The following DNAJC5B variants were observed in gnomAD, a reference collection of about 807,000 sequenced individuals.
DNAJC5B encodes DnaJ heat shock protein family (Hsp40) member C5 beta.
In DNAJC5B, 23 loss-of-function variants were observed where a neutral mutation model predicts 24.7. The ratio of observed to expected loss-of-function variants is 0.93; its 90% confidence interval spans 0.67 to 1.32. The LOEUF (loss-of-function observed/expected upper bound fraction) is 1.32. DNAJC5B is among the 40% of genes most tolerant of loss of function. The pLI, the probability that DNAJC5B is intolerant of heterozygous loss-of-function variation, is 0.00. For synonymous variants in DNAJC5B, 101 were observed against 90.1 expected, an observed-to-expected ratio of 1.12 and a Z score of -0.68; for missense variants, 238 against 240.8, an observed-to-expected ratio of 0.99 and a Z score of 0.08.
chr8:66,040,229 A>G (rs1273925345), intron 1 of DNAJC5B, among the ~76,000 whole-genome samples: 1 of 150,940 alleles, frequency 6.6e-6, no homozygotes, highest in East Asian at 1.9e-4. Flanking sequence ...GTCTCTATTA[A>G]AATACAAAAA....
intron 3 of DNAJC5B, chr8:66,057,220 T>A (rs1359419073): frequency 2.0e-5 from 3 of 151,224 alleles, no homozygotes; most frequent in African/African-American, 7.3e-5. Flanking sequence ...TAAAAAAAAA[T>A]GGAAATTCTC....
At chr8:66,017,930 A>G (rs1321891462), upstream of DNAJC5B, among the ~76,000 whole-genome samples, 2 of 152,244 alleles carry the variant, frequency 1.3e-5, no homozygotes, top group Non-Finnish European at 2.9e-5. Context: ...GCAAAATAAG[A>G]ACAAAATTCC....
chr8:66,056,692 A>G (rs1806969694), intron 3 of DNAJC5B: 1 of 152,204 alleles, frequency 6.6e-6, no homozygotes, highest in Non-Finnish European at 1.5e-5. Context: ...AGAACCCATT[A>G]TCTCCCAACA....
chr8:66,065,943 T>C (rs1807183246), intron 3 of DNAJC5B, among the ~76,000 whole-genome samples: 1 of 152,144 alleles, frequency 6.6e-6, no homozygotes, highest in Admixed American at 6.5e-5. Context: ...TGAGGTCTTA[T>C]AACCACAAAG....
intron 4 of DNAJC5B, 86 bp downstream of exon 4, chr8:66,076,959 A>G: frequency 4.3e-6 from 6 of 1,394,270 alleles, no homozygotes; most frequent in Non-Finnish European, 5.0e-6. Context: ...AGGAAGTCTA[A>G]CCTTCCTGCT....
intron 1 of DNAJC5B, among the ~76,000 whole-genome samples, chr8:66,036,247 G>A (rs1806481684): frequency 6.6e-6 from 1 of 152,152 alleles, no homozygotes; most frequent in South Asian, 2.1e-4. Flanking sequence ...CTGGCTGATT[G>A]TGTCTGGCTG....
intron 5 of DNAJC5B, among the ~76,000 whole-genome samples, chr8:66,091,096 A>T (rs1807837258): frequency 6.6e-6 from 1 of 152,174 alleles, no homozygotes; most frequent in African/African-American, 2.4e-5. Context: ...GTTTATTGAG[A>T]TAGTCTTTCA....
intron 1 of DNAJC5B, among the ~76,000 whole-genome samples, chr8:66,030,263 A>G (rs753518165): frequency 8.5e-5 from 13 of 152,162 alleles, no homozygotes; most frequent in Non-Finnish European, 1.6e-4. Context: ...CCAGAAAATC[A>G]ACTGTGTCCT....
chr8:66,068,132 C>T (rs1005396520), intron 3 of DNAJC5B, among the ~76,000 whole-genome samples: 1 of 152,076 alleles, frequency 6.6e-6, no homozygotes, highest in African/African-American at 2.4e-5. Flanking sequence ...TCTTAGTCCT[C>T]AAATTATTTC....
At chr8:66,070,277 T>C (rs1807317194) in intron 3 of DNAJC5B, among the ~76,000 whole-genome samples, 2 of 152,200 alleles carry the variant, frequency 1.3e-5, no homozygotes, top group African/African-American at 2.4e-5. Flanking sequence ...TTGTCTCTGT[T>C]TGCAGTTGAC....
At chr8:66,073,484 CATGT>C (rs1301175380) in intron 3 of DNAJC5B, among the ~76,000 whole-genome samples, 6 of 135,256 alleles carry the variant, frequency 4.4e-5, no homozygotes, top group South Asian at 2.2e-4. Context: ...TGCATGTGTT[CATGT>C]GTGTGTGTGT....
chr8:66,042,707 C>CCCCCCT (rs1197109335), intron 1 of DNAJC5B, among the ~76,000 whole-genome samples: 1 of 116,992 alleles, frequency 8.5e-6, no homozygotes, highest in East Asian at 3.2e-4. Context: ...CCCTCCCCCT[C>CCCCCCT]CCCCCTCCCC....
intron 5 of DNAJC5B, among the ~76,000 whole-genome samples, chr8:66,097,053 T>C (rs887921309): frequency 6.6e-6 from 1 of 152,066 alleles, no homozygotes; most frequent in South Asian, 2.1e-4. Context: ...CCCTACCTCA[T>C]AGCATTATTA....
intron 5 of DNAJC5B, among the ~76,000 whole-genome samples, chr8:66,089,553 G>A (rs1453422601): frequency 6.6e-6 from 1 of 152,056 alleles, no homozygotes; most frequent in Non-Finnish European, 1.5e-5. Flanking sequence ...ATGTATCTAA[G>A]ACTTTTTCTT....
At chr8:66,081,277 C>G (rs1032554258) in intron 5 of DNAJC5B, among the ~76,000 whole-genome samples, 1 of 152,108 alleles carries the variant, frequency 6.6e-6, no homozygotes. Context: ...CTGGGAAATG[C>G]CTTTGTTTAA....
chr8:66,087,417 CT>C (rs1322807532), intron 5 of DNAJC5B, among the ~76,000 whole-genome samples: 3 of 152,146 alleles, frequency 2.0e-5, no homozygotes, highest in African/African-American at 7.2e-5. Context: ...CATTCTGCCC[CT>C]GGCCCATCCC....
intron 5 of DNAJC5B, among the ~76,000 whole-genome samples, chr8:66,099,528 T>C (rs757070439): frequency 3.0e-4 from 46 of 152,196 alleles, no homozygotes; most frequent in Non-Finnish European, 2.9e-4. Flanking sequence ...CCAGGGTGCA[T>C]CTTTCATATA....
At chr8:66,039,701 C>G (rs1806566360) in intron 1 of DNAJC5B, among the ~76,000 whole-genome samples, 1 of 152,170 alleles carries the variant, frequency 6.6e-6, no homozygotes, top group South Asian at 2.1e-4. Context: ...GTGTTAGCTA[C>G]TATCACTAAC....
the DNAJC5B span, among the ~76,000 whole-genome samples, chr8:66,016,329 G>A: frequency 1.3e-5 from 2 of 152,302 alleles, no homozygotes; most frequent in East Asian, 3.9e-4. Context: ...TTGGATTATG[G>A]AGGTGGTTTC....
Sources: allele counts gnomAD v4.1 joint callset (sites outside exome capture counted in the v4.1 genomes callset), GRCh38; gene constraint gnomAD v4.1.1; transcripts MANE v1.5; gene names NCBI Gene and HGNC (gene_info 2026-07-23, HGNC 2026-07-21).